GALNT12: variants seen among roughly 807,000 people sequenced by gnomAD.
GALNT12 encodes the protein polypeptide N-acetylgalactosaminyltransferase 12, also known as UDP-GalNAc:polypeptide N-acetylgalactosaminyltransferase 12.
A neutral mutation model predicts 55.5 loss-of-function variants in GALNT12; 45 were observed. The observed-to-expected ratio is 0.81, with a 90% CI of 0.64 to 1.04. The LOEUF (loss-of-function observed/expected upper bound fraction) is 1.04, where lower values mean the gene tolerates loss of function less well. Among genes scored for constraint, GALNT12 ranks in the 50% least tolerant of loss-of-function variants. The pLI is 0.00. For missense variants in GALNT12, 709 were observed against 754.8 expected (o/e 0.94, Z 0.71); for synonymous variants, 304 against 312.2 (o/e 0.97, Z 0.28).
At chr9:98,840,593 T>C (rs1836266205) in intron 7 of GALNT12, among the ~76,000 whole-genome samples, 1 of 152,224 alleles carries the variant, frequency 6.6e-6, no homozygotes, top group Non-Finnish European at 1.5e-5. Context: ...CTTTTGTTTT[T>C]GCTGGGAATG....
chr9:98,828,339 C>A (rs1376667415), intron 3 of GALNT12, among the ~76,000 whole-genome samples: 1 of 152,194 alleles, frequency 6.6e-6, no homozygotes, highest in African/African-American at 2.4e-5. Context: ...GCTTTCCTAG[C>A]AGCAGATTCG....
rs781330491 is a variant in GALNT12, at chr9:98,823,335, A to G, written c.451A>G (p.Thr151Ala). 3 of 1,613,846 alleles carry G rather than the reference A, an allele frequency of 1.9e-6. No homozygotes were observed. In the South Asian group the frequency reaches 3.3e-5, roughly 18 times the overall value. Residue 151 changes from threonine (T) to alanine (A), a missense_variant, in exon 2 of 10, where the codon ACT (threonine) becomes GCT (alanine). Around this residue, in one of 5 missense-constraint regions of GALNT12, gnomAD observed 315 missense variants for 288.6 expected, o/e 1.09. Coordinates refer to ENST00000375011, the MANE Select transcript of GALNT12 (RefSeq NM_024642.5). ...IIAFYNEAWS[T>A]LLRTVYSVLE... ...AGCATTTTATAATGAAGCCTGGTCA[A>G]CTCTCCTTCGGACAGTTTACAGTGT...
At chr9:98,832,069 C>T in intron 4 of GALNT12, 112 bp downstream of exon 4, 1 of 867,106 alleles carries the variant, frequency 1.2e-6, no homozygotes, top group Non-Finnish European at 1.9e-6. Flanking sequence ...TTAACTACCT[C>T]CCCTCTTCCC....
Position 98,826,775 on chromosome 9 carries a change from A to G in GALNT12, c.565A>G (p.Asn189Asp), listed in dbSNP as rs1835865070. 2 of 1,611,846 alleles carry G rather than the reference A, an allele frequency of 1.2e-6. No individual in the cohort carries two copies. Among genetic ancestry groups the G allele is most frequent in the Non-Finnish European group, 1.7e-6 (2 of 1,179,884 alleles). The change falls in exon 3 of 10, where the codon AAT becomes GAT. Residue 189 changes from asparagine to aspartate, a missense_variant. Coordinates refer to ENST00000375011, the MANE Select transcript of GALNT12 (RefSeq NM_024642.5). ...DREHLKERLA[N>D]ELSGLPKVRL... ...AGAGCACCTGAAGGAGCGCTTGGCCAATGAGCTTTCGGGACTGCCCAAGGT... is the reference window on the plus strand; with the variant it reads ...AGAGCACCTGAAGGAGCGCTTGGCCGATGAGCTTTCGGGACTGCCCAAGGT...
chr9:98,833,750 T>C (rs1198381636), intron 4 of GALNT12, among the ~76,000 whole-genome samples: 1 of 152,032 alleles, frequency 6.6e-6, no homozygotes, highest in South Asian at 2.1e-4. Flanking sequence ...CTGAATAGGT[T>C]TGGAAACTGA....
Position 98,815,438 on chromosome 9 carries a change from A to G in GALNT12, c.371+7369A>G, listed in dbSNP as rs147975940. Among the ~76,000 whole-genome samples the G allele has an allele frequency of 1.3e-5, 2 of 152,294 alleles. 1 individual carries two copies. The highest frequency in any genetic ancestry group is 3.9e-4 in the East Asian group (2 of 5,180). Reference sequence around the variant, plus strand: ...GTTAGGTGTATTAAATGCATTTTCTACTTAGAATGTTTTCAACTTACGATG... The same window carrying G: ...GTTAGGTGTATTAAATGCATTTTCTGCTTAGAATGTTTTCAACTTACGATG... On this transcript the variant is annotated intron_variant, in intron 1 of 9. Coordinates refer to ENST00000375011, the MANE Select transcript of GALNT12 (RefSeq NM_024642.5).
intron 1 of GALNT12, among the ~76,000 whole-genome samples, chr9:98,810,239 G>A (rs1289837967): frequency 6.6e-6 from 1 of 152,064 alleles, no homozygotes; most frequent in African/African-American, 2.4e-5. Context: ...ATAAACAGAG[G>A]GATAATGAGG....
chr9:98,830,065 G>A (rs1037564277), intron 3 of GALNT12, among the ~76,000 whole-genome samples: 2 of 152,220 alleles, frequency 1.3e-5, no homozygotes, highest in African/African-American at 4.8e-5. Flanking sequence ...TCTCCATAGA[G>A]GTTGTACTAA....
intron 5 of GALNT12, 102 bp from the exon 6 acceptor site, chr9:98,836,870 T>C: frequency 8.2e-7 from 1 of 1,220,690 alleles, no homozygotes; most frequent in Non-Finnish European, 1.2e-6. Flanking sequence ...CTTGGCAGTG[T>C]CCATCATGCC....
At chr9:98,830,228 A>G in intron 3 of GALNT12, among the ~76,000 whole-genome samples, 1 of 152,170 alleles carries the variant, frequency 6.6e-6, no homozygotes, top group East Asian at 1.9e-4. Flanking sequence ...GTGCACGAGC[A>G]TTGGGACACA....
At chr9:98,839,886 C>G (rs115973481) in intron 6 of GALNT12, 116 bp from the exon 7 acceptor site, 2 of 1,289,786 alleles carry the variant, frequency 1.6e-6, no homozygotes, top group African/African-American at 2.9e-5. Context: ...GCCTGGCATG[C>G]GACGAATGCT....
At chr9:98,840,816 G>A (rs1836270448) in intron 7 of GALNT12, among the ~76,000 whole-genome samples, 1 of 152,148 alleles carries the variant, frequency 6.6e-6, no homozygotes, top group Non-Finnish European at 1.5e-5. Context: ...TCAAGATCCT[G>A]CCTCTCTTTA....
Position 98,834,411 on chromosome 9 carries a change from G to A in GALNT12, c.918-838G>A, listed in dbSNP as rs529727788. Among the ~76,000 whole-genome samples the A allele has an allele frequency of 9.7e-4, 148 of 152,292 alleles. 1 individual carries two copies. The highest frequency in any genetic ancestry group is 3.4e-3 in the African/African-American group (140 of 41,566). On this transcript the variant is annotated intron_variant, in intron 4 of 9. Transcript: ENST00000375011. ...GCTGGGATTACAGGTATGAGCCACC[G>A]TGCCCAGCCCTTTCCCTATTTCTGA...
Sources: gnomAD v4.1 joint callset for allele counts (sites outside exome capture counted in the v4.1 genomes callset) on GRCh38, gnomAD v4.1.1 for gene constraint, gnomAD v4.1.1 regional missense constraint, MANE v1.5 for transcripts, NCBI Gene and HGNC (gene_info 2026-07-23, HGNC 2026-07-21) for gene names.